IGFBP2: variants seen among roughly 807,000 people sequenced by gnomAD.
IGFBP2 encodes insulin like growth factor binding protein 2.
In IGFBP2, 12 loss-of-function variants were observed where a neutral mutation model predicts 26.2. The ratio of observed to expected loss-of-function variants is 0.46; its 90% CI spans 0.29 to 0.74. The LOEUF is 0.74. IGFBP2 is among the 30% of genes least tolerant of loss of function. IGFBP2 has a pLI of 0.09. For missense variants in IGFBP2, 328 were observed against 441.2 expected, an observed-to-expected ratio of 0.74 and a Z score of 2.30; for synonymous variants, 189 against 200.6, an observed-to-expected ratio of 0.94 and a Z score of 0.49.
chr2:216,650,582 G>C (rs1697800032), intron 1 of IGFBP2, among the ~76,000 whole-genome samples: 1 of 152,228 alleles, frequency 6.6e-6, no homozygotes, highest in Admixed American at 6.5e-5. Flanking sequence ...GCCTGTGCCT[G>C]TTGGGCTTGC....
intron 1 of IGFBP2, among the ~76,000 whole-genome samples, chr2:216,652,441 G>T (rs989934199): frequency 1.3e-5 from 2 of 152,236 alleles, no homozygotes; most frequent in African/African-American, 4.8e-5. Flanking sequence ...CTCCCAAAAT[G>T]CTGGGATTAC....
At chr2:216,645,287 G>A (rs1276074279) in intron 1 of IGFBP2, among the ~76,000 whole-genome samples, 2 of 152,180 alleles carry the variant, frequency 1.3e-5, no homozygotes, top group Non-Finnish European at 2.9e-5. Flanking sequence ...GGTTGAGTAG[G>A]GCTGCTGACA....
At chr2:216,661,542 G>A (rs9341204) in intron 2 of IGFBP2, 15,847 of 435,748 alleles carry the variant, frequency 0.036, 384 homozygotes, top group South Asian at 0.07. Context: ...GTGGGGGCAT[G>A]GAGACTCGAG....
chr2:216,657,944 G>A (rs545751532), intron 1 of IGFBP2, among the ~76,000 whole-genome samples: 27 of 152,052 alleles, frequency 1.8e-4, no homozygotes, highest in African/African-American at 6.0e-4. Flanking sequence ...TTGGATAAAA[G>A]TCTTTTAAAA....
intron 1 of IGFBP2, 64 bp from the exon 2 acceptor site, chr2:216,660,493 C>T (rs565025324): frequency 1.5e-6 from 2 of 1,293,606 alleles, no homozygotes; most frequent in East Asian, 2.4e-5. Context: ...CCAGGTGGCT[C>T]CCGGAGGGCA....
Position 216,657,414 on chromosome 2 carries a change from T to C in IGFBP2, c.443-3143T>C, listed in dbSNP as rs376005101. Among the ~76,000 whole-genome samples the C allele has an allele frequency of 7.0e-4, 107 of 152,320 alleles. 1 individual carries two copies. The highest frequency in any genetic ancestry group is 1.7e-3 in the African/African-American group (71 of 41,572). On this transcript the variant is annotated intron_variant, in intron 1 of 3. Coordinates refer to ENST00000233809, the MANE Select transcript of IGFBP2 (RefSeq NM_000597.3). ...TCTGATCTCAGACTTTCCCCGGCCT[T>C]TCTCTTTCACCCTTTTGTTTCTGAC...
intron 3 of IGFBP2, 142 bp from the exon 4 acceptor site, chr2:216,663,798 G>C (rs1011813527): frequency 2.1e-5 from 16 of 755,306 alleles, no homozygotes; most frequent in Middle Eastern, 2.9e-4. Context: ...AAGGTTTCCT[G>C]GCGCATATTT....
Position 216,661,149 on chromosome 2 carries a change from C to CTGGA in IGFBP2, c.672+364_672+367dup, listed in dbSNP as rs1408825529. ...ATGGGGTCTCACTCTGTTGCCCAGG[C>CTGGA]TGGAGTGTAATGGTGCCATCACACC... On this transcript the variant is annotated intron_variant, in intron 2 of 3. Transcript: ENST00000233809. 4 of 314,676 alleles carry CTGGA rather than the reference C, an allele frequency of 1.3e-5. No homozygotes were observed. In the Admixed American group the frequency reaches 2.0e-4, roughly 15 times the overall value. The allele number at this position is 314,676 out of a possible 1,614,324, so 19.5% of individuals were successfully genotyped here. A position where few individuals can be genotyped will look rare whatever the true frequency, so the allele number is the denominator to read the frequency against.
Position 216,651,929 on chromosome 2 carries a change from T to C in IGFBP2, c.443-8628T>C, listed in dbSNP as rs1040720472. Among the ~76,000 whole-genome samples the C allele has an allele frequency of 2.0e-5, 3 of 152,164 alleles. 1 individual carries two copies. The highest frequency in any genetic ancestry group is 6.8e-3 in the Middle Eastern group (2 of 294). The stretch of plus-strand genomic sequence containing the variant: ...GGCATGTGCCACCATGCCCAGCTAA[T>C]TTTTGTATTTTTGGTAGAGACAGGT... On this transcript the variant is annotated intron_variant, in intron 1 of 3. Coordinates refer to ENST00000233809, the MANE Select transcript of IGFBP2 (RefSeq NM_000597.3).
intron 1 of IGFBP2, among the ~76,000 whole-genome samples, 200 bp from the exon 2 acceptor site, chr2:216,660,357 A>G (rs1456530295): frequency 6.6e-6 from 1 of 152,218 alleles, no homozygotes; most frequent in Non-Finnish European, 1.5e-5. Context: ...GGGTGCTAGT[A>G]GTACCCACCT....
intron 1 of IGFBP2, among the ~76,000 whole-genome samples, chr2:216,642,386 A>C (rs527832323): frequency 6.3e-5 from 9 of 143,544 alleles, no homozygotes; most frequent in African/African-American, 2.4e-4. Flanking sequence ...GGCTCACTGC[A>C]AGCCCGCCTC....
chr2:216,638,917 G>A (rs1374803547), intron 1 of IGFBP2, among the ~76,000 whole-genome samples: 1 of 151,646 alleles, frequency 6.6e-6, no homozygotes, highest in Non-Finnish European at 1.5e-5. Flanking sequence ...AGCCAGGATG[G>A]TCTCGATCTC....
chr2:216,646,444 C>T (rs1383693678), intron 1 of IGFBP2, among the ~76,000 whole-genome samples: 6 of 152,272 alleles, frequency 3.9e-5, no homozygotes, highest in Admixed American at 6.5e-5. Context: ...CTTGCTGATA[C>T]GGGCTCTAGA....
At position 216,652,237 on chromosome 2, in the gene IGFBP2, G is replaced by A. The variant is rs182661006; in HGVS notation, c.443-8320G>A. ...TGCCCAGGCTGGAGCGCAATGGCGC[G>A]ATCTTGGCTCACTGCAACCTCCGCT... On this transcript the variant is annotated intron_variant, in intron 1 of 3. Transcript: ENST00000233809. Among the ~76,000 whole-genome samples the A allele has an allele frequency of 5.2e-3, 773 of 148,896 alleles. 4 individuals are homozygous for A. The highest frequency in any genetic ancestry group is 7.5e-3 in the Non-Finnish European group (505 of 67,604).
In IGFBP2 at chr2:216,664,003, C is replaced by T; in HGVS notation, c.877C>T (p.Leu293=). The T allele has an allele frequency of 6.2e-7, 1 of 1,614,190 alleles. No homozygotes were observed. The highest frequency in any genetic ancestry group is 1.1e-5 in the South Asian group (1 of 91,076). The change falls in exon 4 of 4, where the codon CTG becomes TTG. Residue 293 remains leucine, a synonymous_variant. Transcript: ENST00000233809. This position sits in a 1 kb window ranked among gnomAD's most constrained non-coding sequence, Gnocchi z 4.6. ...GTGTGTGAACCCCAACACCGGGAAG[C>T]TGATCCAGGGAGCCCCCACCATCCG... The part of the protein sequence containing the change: ...CWCVNPNTGK[L]IQGAPTIRGD...
chr2:216,662,054 A>AT, intron 3 of IGFBP2, 56 bp downstream of exon 3: 1 of 1,591,580 alleles, frequency 6.3e-7, no homozygotes, highest in Non-Finnish European at 8.6e-7. Flanking sequence ...TGGGCCCCAG[A>AT]TGTGCCTTGT....
rs1697440204 is a variant in IGFBP2 at position 216,633,939 on chromosome 2, A to G, written c.416A>G (p.Tyr139Cys). ...GTCEKRRDAE[Y>C]GASPEQVADN... ...TGTGAGAAGCGCCGGGACGCCGAGT[A>G]TGGCGCCAGCCCGGAGCAGGTTGCA... is the stretch of plus-strand genomic sequence containing the variant. Residue 139 changes from tyrosine (Y) to cysteine (C), a missense_variant, in exon 1 of 4, where the codon TAT becomes TGT. By Grantham distance (194) the Tyr-to-Cys change is radical. Coordinates refer to ENST00000233809, the MANE Select transcript of IGFBP2 (RefSeq NM_000597.3). 1 of 1,603,580 alleles carries G rather than the reference A, an allele frequency of 6.2e-7. No homozygotes were observed. The highest frequency in any genetic ancestry group is 8.5e-7 in the Non-Finnish European group (1 of 1,176,360).
rs532414414 is a variant in IGFBP2, at chr2:216,655,351, G to A, written c.443-5206G>A. ...GGAGGTAACTGAATCATGGGGGTGG[G>A]TCCCCCATGTTGTTCTCGTGATAGC... On this transcript the variant is annotated intron_variant, in intron 1 of 3. Coordinates refer to ENST00000233809, the MANE Select transcript of IGFBP2 (RefSeq NM_000597.3). Among the ~76,000 whole-genome samples the A allele has an allele frequency of 6.0e-4, 91 of 152,236 alleles. 1 individual carries two copies. In the South Asian group the frequency reaches 7.0e-3, roughly 12 times the overall value.
Position 216,664,058 on chromosome 2 carries a change from A to G in IGFBP2, c.932A>G (p.Asn311Ser), listed in dbSNP as rs781584253. 5.0e-6 allele frequency: 8 copies of G among 1,613,570 alleles called. No individual in the cohort carries two copies. The highest frequency in any genetic ancestry group is 4.0e-5 in the African/African-American group (3 of 74,918). The change falls in exon 4 of 4, where the codon AAT (asparagine) becomes AGT (serine). Residue 311 changes from asparagine to serine, a missense_variant. Transcript: ENST00000233809. The surrounding 1 kb of genome is among the most constrained non-coding windows in gnomAD (Gnocchi z 4.6). The part of the protein sequence containing the change: ...RGDPECHLFY[N>S]EQQEARGVHT... The stretch of plus-strand genomic sequence containing the variant: ...GACCCCGAGTGTCATCTCTTCTACA[A>G]TGAGCAGCAGGAGGCTCGCGGGGTG...
Sources: allele counts gnomAD v4.1 joint callset (sites outside exome capture counted in the v4.1 genomes callset), GRCh38; gene constraint gnomAD v4.1.1; non-coding constraint Gnocchi (gnomAD v3.1); transcripts MANE v1.5; gene names NCBI Gene and HGNC (gene_info 2026-07-23, HGNC 2026-07-21).